Variants in NR1H4 observed in about 807,000 individuals in gnomAD.
The protein encoded by NR1H4 is nuclear receptor subfamily 1 group H member 4.
Under a neutral mutation model 58.5 loss-of-function variants are expected in NR1H4, and 23 were observed. The observed-to-expected ratio is 0.39, with a 90% CI of 0.28 to 0.56. The LOEUF is 0.56. NR1H4 is among the 20% of genes least tolerant of loss of function. The pLI is 0.58. For missense variants in NR1H4, 487 were observed against 576.9 expected (o/e 0.84, Z 1.60); for synonymous variants, 214 against 198.0 (o/e 1.08, Z -0.68).
chr12:100,489,162 G>T (rs1358941522), intron 1 of NR1H4, among the ~76,000 whole-genome samples: 1 of 152,132 alleles, frequency 6.6e-6, no homozygotes, highest in Non-Finnish European at 1.5e-5. Flanking sequence ...CCAGTAAGAA[G>T]CTGTTAAGAG....
intron 1 of NR1H4, among the ~76,000 whole-genome samples, chr12:100,489,236 C>G (rs1369913392): frequency 6.6e-6 from 1 of 152,188 alleles, no homozygotes; most frequent in Non-Finnish European, 1.5e-5. Flanking sequence ...CCAAGGTAAT[C>G]TTTACATTTA....
At chr12:100,537,735 A>G (rs1954845861) in intron 8 of NR1H4, among the ~76,000 whole-genome samples, 1 of 152,166 alleles carries the variant, frequency 6.6e-6, no homozygotes, top group Non-Finnish European at 1.5e-5. Context: ...TTTGTTTGAG[A>G]CGGAGTCTCG....
At chr12:100,496,564 T>C (rs899335483) in intron 3 of NR1H4, among the ~76,000 whole-genome samples, 1 of 152,176 alleles carries the variant, frequency 6.6e-6, no homozygotes, top group African/African-American at 2.4e-5. Flanking sequence ...CTCACTCAAG[T>C]TCAGTTGGTA....
chr12:100,561,431 C>A (rs933101867), intron 9 of NR1H4, among the ~76,000 whole-genome samples: 1 of 151,962 alleles, frequency 6.6e-6, no homozygotes, highest in East Asian at 1.9e-4. Flanking sequence ...AATAAAGAAC[C>A]CTGGCCCATT....
rs775567231 is a variant in NR1H4 at position 100,563,393 on chromosome 12, G to T, written c.1335G>T (p.Arg445=). ...TCCTGGGTCGCCTGACTGAATTACG[G>T]ACATTCAATCATCACCACGCTGAGA... ...ACLLGRLTEL[R]TFNHHHAEML... The change falls in exon 11 of 11, where the codon CGG becomes CGT. Residue 445 remains arginine, a synonymous_variant. Transcript: ENST00000392986. 5.0e-6 allele frequency: 8 copies of T among 1,613,912 alleles called. No homozygotes were observed. The African/African-American group carries it at 5.3e-5, about 11-fold the overall frequency.
chr12:100,537,442 A>G (rs951434034), intron 8 of NR1H4, among the ~76,000 whole-genome samples: 1 of 152,236 alleles, frequency 6.6e-6, no homozygotes, highest in Non-Finnish European at 1.5e-5. Flanking sequence ...TTCAATAAGC[A>G]ATTGTTGATA....
intron 9 of NR1H4, among the ~76,000 whole-genome samples, chr12:100,557,216 C>A (rs962420008): frequency 6.6e-6 from 1 of 152,070 alleles, no homozygotes; most frequent in East Asian, 1.9e-4. Flanking sequence ...TCTGGGGAAG[C>A]CCCAGGGAGC....
intron 1 of NR1H4, among the ~76,000 whole-genome samples, chr12:100,479,764 C>A (rs931087514): frequency 6.6e-6 from 1 of 152,250 alleles, no homozygotes; most frequent in East Asian, 1.9e-4. Context: ...CCTATAGCCC[C>A]TCCTTGGCTC....
intron 4 of NR1H4, among the ~76,000 whole-genome samples, chr12:100,520,709 G>A (rs556699079): frequency 4.2e-4 from 64 of 152,250 alleles, no homozygotes; most frequent in African/African-American, 1.5e-3. Flanking sequence ...CCACAATCCC[G>A]CTTACCAGTA....
chr12:100,514,287 G>A (rs563327427), intron 4 of NR1H4, among the ~76,000 whole-genome samples: 1 of 152,260 alleles, frequency 6.6e-6, no homozygotes, highest in African/African-American at 2.4e-5. Flanking sequence ...CTTAAATTCT[G>A]TGAATCTGTA....
rs145958396 is a variant in NR1H4, at chr12:100,537,995, C to T, written c.931+948C>T. The stretch of plus-strand genomic sequence containing the variant: ...AAAGTGCTGGGATTACAGGCGCAAG[C>T]CACCATGTCTGGCCGAGAAATCTGC... On this transcript the variant is annotated intron_variant, in intron 8 of 10. Coordinates refer to ENST00000392986, the MANE Select transcript of NR1H4 (RefSeq NM_001206979.2). Among the ~76,000 whole-genome samples the T allele has an allele frequency of 3.3e-3, 504 of 152,270 alleles. 3 individuals carry two copies. Among genetic ancestry groups the T allele is most frequent in the Middle Eastern group, 0.01 (3 of 294 alleles).
chr12:100,549,133 T>C (rs1477550623), intron 9 of NR1H4, among the ~76,000 whole-genome samples: 3 of 152,066 alleles, frequency 2.0e-5, no homozygotes, highest in African/African-American at 7.2e-5. Flanking sequence ...GGTCACAAGA[T>C]TGAGACCATC....
intron 5 of NR1H4, among the ~76,000 whole-genome samples, chr12:100,532,920 C>T (rs926413493): frequency 2.6e-5 from 4 of 152,110 alleles, no homozygotes; most frequent in African/African-American, 9.7e-5. Flanking sequence ...TAAAAGTTTC[C>T]TCTAAATTTG....
At chr12:100,541,544 A>C (rs759118343) in intron 9 of NR1H4, among the ~76,000 whole-genome samples, 3 of 151,880 alleles carry the variant, frequency 2.0e-5, no homozygotes, top group Non-Finnish European at 4.4e-5. Flanking sequence ...GGCCTTCCAA[A>C]GTGCTGAGAT....
Position 100,473,981 on chromosome 12 carries a change from G to A in NR1H4, c.-268G>A, listed in dbSNP as rs1315696393. 6 of 152,042 alleles carry A rather than the reference G, an allele frequency of 3.9e-5. No individual in the cohort carries two copies. The highest frequency in any genetic ancestry group is 2.1e-4 in the South Asian group (1 of 4,814). The allele number at this position is 152,042 out of a possible 1,614,324, so 9.4% of individuals were successfully genotyped here. The stretch of plus-strand genomic sequence containing the variant: ...GATTCTGAGCATTTGTAGCAAAATC[G>A]CTGGGATCTGGAGAGGAAGACTCAG... On this transcript the variant is annotated 5_prime_UTR_variant, in exon 1 of 11. Coordinates refer to ENST00000392986, the MANE Select transcript of NR1H4 (RefSeq NM_001206979.2).
chr12:100,527,445 A>C (rs1954587540), intron 4 of NR1H4, among the ~76,000 whole-genome samples: 2 of 152,220 alleles, frequency 1.3e-5, no homozygotes, highest in Admixed American at 1.3e-4. Context: ...AGGTGAGAGG[A>C]TCGCTTGAGC....
chr12:100,485,932 C>T (rs1953482202), intron 1 of NR1H4, among the ~76,000 whole-genome samples: 1 of 152,008 alleles, frequency 6.6e-6, no homozygotes, highest in Non-Finnish European at 1.5e-5. Flanking sequence ...TTATTGTATC[C>T]ATTCTCTTTT....
intron 3 of NR1H4, among the ~76,000 whole-genome samples, chr12:100,498,658 CA>C (rs1841097813): frequency 6.6e-6 from 1 of 151,774 alleles, no homozygotes; most frequent in African/African-American, 2.4e-5. Context: ...CACCAAAAAA[CA>C]AAAACAAACA....
intron 3 of NR1H4, chr12:100,505,602 C>G: frequency 1.4e-6 from 1 of 701,902 alleles, no homozygotes; most frequent in Non-Finnish European, 2.6e-6. Flanking sequence ...TGGAGTCCAT[C>G]CATGTGTTCT....
Sources: allele counts gnomAD v4.1 joint callset (sites outside exome capture counted in the v4.1 genomes callset), GRCh38; gene constraint gnomAD v4.1.1; transcripts MANE v1.5; gene names NCBI Gene and HGNC (gene_info 2026-07-23, HGNC 2026-07-21).